THAP12: variants seen among roughly 807,000 people sequenced by gnomAD.
THAP12 encodes the protein 52 kDa repressor of the inhibitor of the protein kinase.
In THAP12, 20 loss-of-function variants were observed where a neutral mutation model predicts 63.0. The observed-to-expected ratio is 0.32, with a 90% CI of 0.22 to 0.46. The LOEUF is 0.46. Among genes scored for constraint, THAP12 ranks in the 20% least tolerant of loss-of-function variants. The probability of loss-of-function intolerance (pLI) is 1.00; values close to 1 mark genes in which losing one functional copy is unlikely to be tolerated. For missense variants in THAP12, 568 were observed against 908.2 expected (o/e 0.63, Z 4.81); for synonymous variants, 264 against 328.4 (o/e 0.80, Z 2.12).
At chr11:76,367,296 G>A (rs1946638216) in intron 1 of THAP12, among the ~76,000 whole-genome samples, 2 of 152,128 alleles carry the variant, frequency 1.3e-5, no homozygotes, top group Admixed American at 6.5e-5. Context: ...GGCTGGTCTC[G>A]AACTCCCGAC....
At chr11:76,363,589 T>TTTTGTTTGTTTG (rs59063258) in intron 2 of THAP12, among the ~76,000 whole-genome samples, 8 of 151,580 alleles carry the variant, frequency 5.3e-5, no homozygotes, top group Non-Finnish European at 1.2e-4. Context: ...ATCCAGGGGT[T>TTTTGTTTGTTTG]TTTGTTTGTT....
At chr11:76,364,919 T>C (rs1192993386) in intron 2 of THAP12, among the ~76,000 whole-genome samples, 3 of 152,148 alleles carry the variant, frequency 2.0e-5, no homozygotes, top group Non-Finnish European at 4.4e-5. Context: ...AAACACCAAC[T>C]TTACCTTAAA....
chr11:76,373,579 G>A (rs970891263), intron 1 of THAP12, among the ~76,000 whole-genome samples: 3 of 151,904 alleles, frequency 2.0e-5, no homozygotes, highest in Non-Finnish European at 4.4e-5. Context: ...AAAATTAGCC[G>A]GGGGTTGTGA....
rs538302869 is a variant in THAP12 at position 76,361,304 on chromosome 11, G to A, written c.211-241C>T. 7.4e-6 allele frequency: 3 copies of A among 404,118 alleles called. No homozygotes were observed. The East Asian group carries it at 1.3e-4, about 18-fold the overall frequency. 25.0% of individuals were successfully genotyped at this position (404,118 alleles called of 1,614,324 possible). ...TGAAGGTAGGCATAAAATATAAAAT[G>A]TACTTGCATTTTGCATATCTGTTTC... On this transcript the variant is annotated intron_variant, in intron 2 of 4. Coordinates refer to ENST00000260045, the MANE Select transcript of THAP12 (RefSeq NM_004705.4).
At chr11:76,377,679 T>C (rs151293930) in intron 1 of THAP12, among the ~76,000 whole-genome samples, 310 of 152,368 alleles carry the variant, frequency 2.0e-3, no homozygotes, top group Non-Finnish European at 3.6e-3. Flanking sequence ...CTTTTGACTA[T>C]TGCGAATAGT....
chr11:76,351,227 C>T lies in THAP12; in HGVS notation c.1923G>A (p.Glu641=). The T allele has an allele frequency of 6.4e-7, 1 of 1,555,140 alleles. No individual in the cohort carries two copies. Among genetic ancestry groups the T allele is most frequent in the Middle Eastern group, 2.4e-4 (1 of 4,124 alleles). ...TCCATTTGATTCTCCAACAATGAAG[C>T]TCAGCTGACAGCGTGTCAGGATTGG... The part of the protein sequence containing the change: ...DLPNPDTLSA[E]LHCWRIKWKH... The change falls in exon 5 of 5, where the codon GAG becomes GAA. Residue 641 remains glutamate (E), a synonymous_variant. Transcript: ENST00000260045.
At chr11:76,374,399 A>C (rs979095498) in intron 1 of THAP12, among the ~76,000 whole-genome samples, 3 of 152,144 alleles carry the variant, frequency 2.0e-5, no homozygotes, top group Admixed American at 1.3e-4. Context: ...AAAAAAAAAA[A>C]AACACATCAG....
At chr11:76,380,663 G>T in intron 1 of THAP12, 85 bp downstream of exon 1, 1 of 1,091,856 alleles carries the variant, frequency 9.2e-7, no homozygotes, top group Non-Finnish European at 1.2e-6. Flanking sequence ...CTCTCAGCCA[G>T]CCCGGGAGCC....
chr11:76,376,803 T>C (rs1342867125), intron 1 of THAP12, among the ~76,000 whole-genome samples: 1 of 151,992 alleles, frequency 6.6e-6, no homozygotes, highest in African/African-American at 2.4e-5. Flanking sequence ...ATACTCCCCT[T>C]AAGGAGTGTA....
rs762300025 is a variant in THAP12, at chr11:76,350,734, G to T, written c.*130C>A. 75 of 738,888 alleles carry T rather than the reference G, an allele frequency of 1.0e-4. 1 individual carries two copies. The Admixed American group carries it at 1.3e-3, about 12-fold the overall frequency. 45.8% of individuals were successfully genotyped at this position (738,888 alleles called of 1,614,324 possible). A position where few individuals can be genotyped will look rare whatever the true frequency, so the allele number is the denominator to read the frequency against. On this transcript the variant is annotated 3_prime_UTR_variant, in exon 5 of 5. Coordinates refer to ENST00000260045, the MANE Select transcript of THAP12 (RefSeq NM_004705.4). ...CAAACAGGGGCCATTTAAACAGGTA[G>T]ATTATCAATGGCTAATGTATTCAAT...
chr11:76,359,224 T>C (rs1034546866), intron 3 of THAP12: 1 of 152,204 alleles, frequency 6.6e-6, no homozygotes, highest in Non-Finnish European at 1.5e-5. Context: ...ACAAAAGCTC[T>C]CAAAATTTTT....
At chr11:76,361,971 T>G (rs1360224778) in intron 2 of THAP12, among the ~76,000 whole-genome samples, 1 of 152,198 alleles carries the variant, frequency 6.6e-6, no homozygotes, top group Non-Finnish European at 1.5e-5. Context: ...CTGTATCTCT[T>G]TCAAGTCCTA....
At chr11:76,378,884 CAGGTGTG>C (rs1215535072) in intron 1 of THAP12, among the ~76,000 whole-genome samples, 1 of 151,894 alleles carries the variant, frequency 6.6e-6, no homozygotes, top group African/African-American at 2.4e-5. Context: ...GCTGGGATTA[CAGGTGTG>C]AGCCACCATG....
chr11:76,363,186 C>A (rs796305592), intron 2 of THAP12, among the ~76,000 whole-genome samples: 15 of 152,088 alleles, frequency 9.9e-5, no homozygotes, highest in African/African-American at 3.6e-4. Flanking sequence ...TCTATAAGGA[C>A]ACATGCCAAA....
At chr11:76,357,586 G>C (rs1320543724) in intron 3 of THAP12, 1 of 151,996 alleles carries the variant, frequency 6.6e-6, no homozygotes, top group Non-Finnish European at 1.5e-5. Flanking sequence ...AAAGGAACAA[G>C]AATCAGGCTG....
At chr11:76,378,668 G>A (rs1258174423) in intron 1 of THAP12, among the ~76,000 whole-genome samples, 2 of 151,636 alleles carry the variant, frequency 1.3e-5, no homozygotes, top group African/African-American at 4.9e-5. Context: ...CTGGAGTGCA[G>A]TGGCACGATC....
intron 2 of THAP12, among the ~76,000 whole-genome samples, chr11:76,362,206 G>T (rs1480973961): frequency 6.6e-6 from 1 of 152,156 alleles, no homozygotes; most frequent in Non-Finnish European, 1.5e-5. Context: ...TCCTGAATTT[G>T]GAATGATAAA....
In THAP12 at chr11:76,371,767, A is replaced by G. The variant is rs940128984; in HGVS notation, c.90-5795T>C. ...TAACGACCCTATCCTGCCAAATCCAACGGTCACTTTCCTGTACAGATTTTA... is the reference window on the plus strand; with the variant it reads ...TAACGACCCTATCCTGCCAAATCCAGCGGTCACTTTCCTGTACAGATTTTA... On this transcript the variant is annotated intron_variant, in intron 1 of 4. Coordinates refer to ENST00000260045, the MANE Select transcript of THAP12 (RefSeq NM_004705.4). 4.0e-5 allele frequency among the ~76,000 whole-genome samples: 6 copies of G among 150,060 alleles called. No homozygotes were observed. The East Asian group carries it at 7.8e-4, about 20-fold the overall frequency.
intron 3 of THAP12, chr11:76,357,831 G>C (rs1321364962): frequency 6.6e-6 from 1 of 152,136 alleles, no homozygotes; most frequent in African/African-American, 2.4e-5. Flanking sequence ...TAAAGTTGTA[G>C]GGTATAGCTA....
Sources: allele counts gnomAD v4.1 joint callset (sites outside exome capture counted in the v4.1 genomes callset), GRCh38; gene constraint gnomAD v4.1.1; transcripts MANE v1.5; gene names NCBI Gene and HGNC (gene_info 2026-07-23, HGNC 2026-07-21).